The following C1orf105 variants were observed in gnomAD, a reference collection of about 807,000 sequenced individuals.
The protein encoded by C1orf105 is chromosome 1 open reading frame 105.
A neutral mutation model predicts 20.8 loss-of-function variants in C1orf105; 17 were observed. The observed-to-expected ratio is 0.82, with a 90% CI of 0.56 to 1.23. C1orf105 has a LOEUF of 1.23. Among genes scored for constraint, C1orf105 ranks in the 50% most tolerant of loss-of-function variants. The pLI is 0.00. For missense variants in C1orf105, 219 were observed against 213.5 expected (o/e 1.03, Z -0.16); for synonymous variants, 72 against 72.1 (o/e 1.00, Z 0.01).
chr1:172,422,337 A>G (rs1270567605), intron 1 of C1orf105, among the ~76,000 whole-genome samples: 1 of 152,214 alleles, frequency 6.6e-6, no homozygotes, highest in African/African-American at 2.4e-5. Context: ...TGAGGCACTC[A>G]TTGCAGGCCC....
chr1:172,447,843 C>T (rs1451253783), intron 2 of C1orf105, among the ~76,000 whole-genome samples: 3 of 152,238 alleles, frequency 2.0e-5, no homozygotes, highest in Admixed American at 6.5e-5. Flanking sequence ...CCCTGCAGGC[C>T]TTGGCCCCTT....
intron 6 of C1orf105, among the ~76,000 whole-genome samples, chr1:172,468,111 C>A (rs1650191454): frequency 6.6e-6 from 1 of 152,068 alleles, no homozygotes; most frequent in African/African-American, 2.4e-5. Flanking sequence ...CAACACCAGA[C>A]ATGTTTTATC....
chr1:172,453,810 G>A (rs1476434113), intron 3 of C1orf105, among the ~76,000 whole-genome samples: 1 of 152,204 alleles, frequency 6.6e-6, no homozygotes, highest in Non-Finnish European at 1.5e-5. Context: ...GGTTAGGAGG[G>A]TGAGAAATGG....
intron 6 of C1orf105, chr1:172,465,694 A>G: frequency 4.2e-6 from 2 of 481,758 alleles, no homozygotes; most frequent in Non-Finnish European, 8.2e-6. Context: ...TCCTGATGGT[A>G]TCAATCAAAA....
At chr1:172,428,044 C>T (rs1271345277) in intron 1 of C1orf105, among the ~76,000 whole-genome samples, 4 of 152,170 alleles carry the variant, frequency 2.6e-5, no homozygotes, top group Non-Finnish European at 5.9e-5. Flanking sequence ...CAGTTACCAT[C>T]CCTCTGCCCC....
At chr1:172,442,966 T>C (rs1405082048) in intron 1 of C1orf105, 1 of 212,436 alleles carries the variant, frequency 4.7e-6, no homozygotes, top group Non-Finnish European at 1.0e-5. Context: ...ACATTAAAAC[T>C]GCATTTCAGA....
Position 172,444,198 on chromosome 1 carries a change from T to C in C1orf105, c.22-875T>C, listed in dbSNP as rs1647702041. On this transcript the variant is annotated intron_variant, in intron 1 of 6. Coordinates refer to ENST00000367727, the MANE Select transcript of C1orf105 (RefSeq NM_139240.4). Reference sequence around the variant, plus strand: ...ACCTCCGGTCTCCTCTCCTGGAGACTGGCCCAAACCCGAATGCTCTGAGCC... The same window carrying C: ...ACCTCCGGTCTCCTCTCCTGGAGACCGGCCCAAACCCGAATGCTCTGAGCC... 8 of 986,142 alleles carry C rather than the reference T, an allele frequency of 8.1e-6. No individual in the cohort carries two copies. In the South Asian group the frequency reaches 2.3e-4, roughly 29 times the overall value. 61.1% of individuals were successfully genotyped at this position (986,142 alleles called of 1,614,324 possible). A position where few individuals can be genotyped will look rare whatever the true frequency, so the allele number is the denominator to read the frequency against.
chr1:172,462,002 A>G (rs1649729231), intron 4 of C1orf105, among the ~76,000 whole-genome samples, 176 bp from the exon 5 acceptor site: 2 of 152,244 alleles, frequency 1.3e-5, no homozygotes, highest in African/African-American at 2.4e-5. Context: ...ATATCCAGGG[A>G]AAAACAATGA....
At chr1:172,436,216 T>C (rs1458568734) in intron 1 of C1orf105, among the ~76,000 whole-genome samples, 2 of 152,214 alleles carry the variant, frequency 1.3e-5, no homozygotes, top group Non-Finnish European at 2.9e-5. Context: ...CCAATGACTT[T>C]CTTCACAGAA....
chr1:172,432,354 C>G (rs996051088), intron 1 of C1orf105, among the ~76,000 whole-genome samples: 3 of 152,178 alleles, frequency 2.0e-5, no homozygotes, highest in Non-Finnish European at 4.4e-5. Context: ...CGACTGACAC[C>G]TCATACAGGT....
chr1:172,428,647 C>A, intron 1 of C1orf105: 1 of 495,432 alleles, frequency 2.0e-6, no homozygotes, highest in Non-Finnish European at 3.5e-6. Context: ...TCCCATGAGA[C>A]CTACTCTGAC....
At chr1:172,421,033 C>A in intron 1 of C1orf105, 127 bp downstream of exon 1, 1 of 827,158 alleles carries the variant, frequency 1.2e-6, no homozygotes, top group Non-Finnish European at 1.9e-6. Flanking sequence ...AGTTGAAAGC[C>A]AAAAGAAGGT....
chr1:172,428,294 C>G (rs1216869792), intron 1 of C1orf105, among the ~76,000 whole-genome samples: 1 of 152,162 alleles, frequency 6.6e-6, no homozygotes, highest in African/African-American at 2.4e-5. Context: ...CTTCCTGTGT[C>G]TACTCTTGCC....
intron 1 of C1orf105, among the ~76,000 whole-genome samples, chr1:172,441,228 G>A (rs1647258345): frequency 6.6e-6 from 1 of 152,110 alleles, no homozygotes; most frequent in African/African-American, 2.4e-5. Context: ...CTGAGTCAAG[G>A]TTAAGTAACC....
intron 1 of C1orf105, chr1:172,430,214 T>C: frequency 1.6e-6 from 1 of 639,412 alleles, no homozygotes. Context: ...TATAAGAGAC[T>C]GACTAGATCA....
intron 1 of C1orf105, among the ~76,000 whole-genome samples, chr1:172,436,987 A>G (rs544702709): frequency 6.6e-6 from 1 of 152,382 alleles, no homozygotes; most frequent in Admixed American, 6.5e-5. Context: ...ACATGAAAAA[A>G]TGCTCATCAT....
intron 6 of C1orf105, among the ~76,000 whole-genome samples, chr1:172,467,986 T>C (rs1168625005): frequency 6.6e-6 from 1 of 152,200 alleles, no homozygotes; most frequent in Non-Finnish European, 1.5e-5. Context: ...TACTGTAGCC[T>C]TTTTATAAGA....
At chr1:172,423,554 A>G (rs2071645584) in intron 1 of C1orf105, among the ~76,000 whole-genome samples, 1 of 152,146 alleles carries the variant, frequency 6.6e-6, no homozygotes, top group Admixed American at 6.5e-5. Flanking sequence ...CAGACCAGAC[A>G]CTAACAAGCA....
intron 3 of C1orf105, 141 bp downstream of exon 3, chr1:172,448,672 A>G (rs752038123): frequency 4.6e-5 from 27 of 583,446 alleles, no homozygotes; most frequent in Non-Finnish European, 7.7e-5. Flanking sequence ...AATGAAATGA[A>G]TGGCCCCACC....
Sources: allele counts gnomAD v4.1 joint callset (sites outside exome capture counted in the v4.1 genomes callset), GRCh38; gene constraint gnomAD v4.1.1; transcripts MANE v1.5; gene names NCBI Gene and HGNC (gene_info 2026-07-23, HGNC 2026-07-21).